HIKESHI: variants seen among roughly 807,000 people sequenced by gnomAD.
HIKESHI encodes the protein heat shock protein nuclear import factor hikeshi.
Under a neutral mutation model 25.7 loss-of-function variants are expected in HIKESHI, and 13 were observed. The ratio of observed to expected loss-of-function variants is 0.51; its 90% CI spans 0.33 to 0.80. The LOEUF is 0.80. Among genes scored for constraint, HIKESHI ranks in the 30% least tolerant of loss-of-function variants. HIKESHI has a pLI of 0.02. For synonymous variants in HIKESHI, 76 were observed against 78.7 expected (o/e 0.97, Z 0.18); for missense variants, 174 against 229.5 (o/e 0.76, Z 1.56).
chr11:86,345,662 G>A lies in HIKESHI; in HGVS notation c.*24G>A, dbSNP rs780849819. On this transcript the variant is annotated 3_prime_UTR_variant, in exon 5 of 5. Transcript: ENST00000278483. The stretch of plus-strand genomic sequence containing the variant: ...AATTTGAATAAAATAATTTTTAATG[G>A]ATTCTGAAATTTGTCATGTTTTGAA... The A allele has an allele frequency of 4.3e-6, 6 of 1,411,436 alleles. No individual in the cohort carries two copies. The highest frequency in any genetic ancestry group is 1.4e-5 in the African/African-American group (1 of 69,600). The allele number at this position is 1,411,436 out of a possible 1,614,324, so 87.4% of individuals were successfully genotyped here.
rs147690446 is a variant in HIKESHI at position 86,315,843 on chromosome 11, AAC to A, written c.268+9367_268+9368del. ...CTTGATTGTGTAAAACAGCATAACA[AAC>A]ACACAAGAATTAATTACTGTTCTAG... On this transcript the variant is annotated intron_variant, in intron 2 of 4. Coordinates refer to ENST00000278483, the MANE Select transcript of HIKESHI (RefSeq NM_016401.4). Among the ~76,000 whole-genome samples the A allele has an allele frequency of 1.7e-3, 266 of 152,280 alleles. 1 individual carries two copies. Among genetic ancestry groups the A allele is most frequent in the African/African-American group, 6.1e-3 (254 of 41,556 alleles).
At chr11:86,329,075 C>G (rs1463908832) in intron 2 of HIKESHI, among the ~76,000 whole-genome samples, 1 of 151,714 alleles carries the variant, frequency 6.6e-6, no homozygotes, top group Non-Finnish European at 1.5e-5. Flanking sequence ...TCCTCCACTC[C>G]TTTCCTATTA....
intron 2 of HIKESHI, among the ~76,000 whole-genome samples, chr11:86,314,885 C>A (rs1946932629): frequency 6.6e-6 from 1 of 152,176 alleles, no homozygotes; most frequent in African/African-American, 2.4e-5. Flanking sequence ...GACAGCAGAC[C>A]TGGTGACTGA....
chr11:86,344,214 G>A (rs1050098317), intron 3 of HIKESHI: 38 of 155,644 alleles, frequency 2.4e-4, no homozygotes, highest in Non-Finnish European at 4.1e-4. Context: ...ATGCAGACAT[G>A]GAGATGAAAG....
chr11:86,345,830 CT>C lies in HIKESHI; in HGVS notation c.*198del, dbSNP rs1947856757. 2 of 362,066 alleles carry C rather than the reference CT, an allele frequency of 5.5e-6. No individual in the cohort carries two copies. Among genetic ancestry groups the C allele is most frequent in the Admixed American group, 4.5e-5 (1 of 22,436 alleles). The allele number at this position is 362,066 out of a possible 1,614,324, so 22.4% of individuals were successfully genotyped here. On this transcript the variant is annotated 3_prime_UTR_variant, in exon 5 of 5. Coordinates refer to ENST00000278483, the MANE Select transcript of HIKESHI (RefSeq NM_016401.4). Reference sequence around the variant, plus strand: ...ATGAAAATATGTTCATCATTAAAGACTTTTTTCCCCTTAAGCTTAAAATACC... The same window carrying C: ...ATGAAAATATGTTCATCATTAAAGACTTTTTCCCCTTAAGCTTAAAATACC...
chr11:86,341,852 G>A lies in HIKESHI; in HGVS notation c.421-2751G>A, dbSNP rs144117577. Among the ~76,000 whole-genome samples, 145 of 152,098 alleles carry A rather than the reference G, an allele frequency of 9.5e-4. 1 individual carries two copies. Among genetic ancestry groups the A allele is most frequent in the Non-Finnish European group, 1.2e-3 (82 of 67,966 alleles). Reference sequence around the variant, plus strand: ...TTCTTGTTGATTTGTTCTTTTGTGTGTTTTAAAAATGAATATAAATAGTAT... The same window carrying A: ...TTCTTGTTGATTTGTTCTTTTGTGTATTTTAAAAATGAATATAAATAGTAT... On this transcript the variant is annotated intron_variant, in intron 3 of 4. Coordinates refer to ENST00000278483, the MANE Select transcript of HIKESHI (RefSeq NM_016401.4).
intron 2 of HIKESHI, among the ~76,000 whole-genome samples, chr11:86,318,378 A>C (rs1347847982): frequency 1.3e-5 from 2 of 151,408 alleles, no homozygotes; most frequent in Non-Finnish European, 2.9e-5. Flanking sequence ...AGTAATTAAA[A>C]ATATACCTCT....
At chr11:86,308,026 T>TATA (rs1946707615) in intron 2 of HIKESHI, among the ~76,000 whole-genome samples, 1 of 124,892 alleles carries the variant, frequency 8.0e-6, no homozygotes, top group African/African-American at 3.2e-5. Context: ...ATACATATTA[T>TATA]AAATATATAA....
At chr11:86,323,541 C>T (rs1212980555) in intron 2 of HIKESHI, among the ~76,000 whole-genome samples, 1 of 152,172 alleles carries the variant, frequency 6.6e-6, no homozygotes, top group Non-Finnish European at 1.5e-5. Flanking sequence ...ATCAAATTGT[C>T]AATTTAATTT....
chr11:86,316,389 G>A (rs768974246), intron 2 of HIKESHI, among the ~76,000 whole-genome samples: 5 of 152,148 alleles, frequency 3.3e-5, no homozygotes, highest in East Asian at 1.9e-4. Context: ...GCAGGTGCTC[G>A]TAATCCCAGC....
chr11:86,323,374 G>A (rs899766652), intron 2 of HIKESHI, among the ~76,000 whole-genome samples: 2 of 152,114 alleles, frequency 1.3e-5, no homozygotes, highest in Non-Finnish European at 2.9e-5. Context: ...TGGAAAACAT[G>A]AAAGATTAAA....
At chr11:86,319,925 A>T (rs1334860612) in intron 2 of HIKESHI, among the ~76,000 whole-genome samples, 1 of 152,136 alleles carries the variant, frequency 6.6e-6, no homozygotes, top group East Asian at 1.9e-4. Context: ...GTTCAAAGTG[A>T]TAATATTCTA....
chr11:86,302,260 CT>C lies in HIKESHI; in HGVS notation c.-187del. The C allele has an allele frequency of 1.5e-6, 1 of 652,960 alleles. No homozygotes were observed. Among genetic ancestry groups the C allele is most frequent in the South Asian group, 1.7e-5 (1 of 58,916 alleles). The allele number at this position is 652,960 out of a possible 1,614,324, so 40.4% of individuals were successfully genotyped here. On this transcript the variant is annotated 5_prime_UTR_variant, in exon 1 of 5. Transcript: ENST00000278483. ...TACTTGTTGCCTGAGCAGTGGGCTG[CT>C]TAGGAAGAGAAGGTCAGAGTTCGCG...
chr11:86,311,843 G>C (rs1946843809), intron 2 of HIKESHI, among the ~76,000 whole-genome samples: 1 of 152,156 alleles, frequency 6.6e-6, no homozygotes, highest in Non-Finnish European at 1.5e-5. Flanking sequence ...GGAGCAGATT[G>C]TTCAATTTCC....
intron 2 of HIKESHI, among the ~76,000 whole-genome samples, chr11:86,317,287 C>A (rs1947012659): frequency 6.6e-6 from 1 of 152,110 alleles, no homozygotes; most frequent in African/African-American, 2.4e-5. Flanking sequence ...TGCAACACTA[C>A]CCTCCAGCCT....
intron 3 of HIKESHI, among the ~76,000 whole-genome samples, chr11:86,342,317 G>T (rs534061094): frequency 6.6e-6 from 1 of 152,144 alleles, no homozygotes; most frequent in African/African-American, 2.4e-5. Context: ...TTCTAGCATG[G>T]TGCTTGTCTT....
chr11:86,332,381 T>C (rs965586734), intron 2 of HIKESHI, among the ~76,000 whole-genome samples: 1 of 152,144 alleles, frequency 6.6e-6, no homozygotes, highest in Non-Finnish European at 1.5e-5. Flanking sequence ...ATTAGAAGGA[T>C]TGGTACTTCA....
At chr11:86,315,784 A>G (rs906122812) in intron 2 of HIKESHI, among the ~76,000 whole-genome samples, 2 of 152,214 alleles carry the variant, frequency 1.3e-5, no homozygotes, top group African/African-American at 4.8e-5. Context: ...AAGTTAGCAC[A>G]GAAATTGGTA....
intron 2 of HIKESHI, among the ~76,000 whole-genome samples, chr11:86,325,838 C>T (rs907781158): frequency 2.0e-5 from 3 of 150,820 alleles, no homozygotes; most frequent in Admixed American, 6.6e-5. Flanking sequence ...CACCACTGCA[C>T]TCCAGCCTGG....
Sources: allele counts gnomAD v4.1 joint callset (sites outside exome capture counted in the v4.1 genomes callset), GRCh38; gene constraint gnomAD v4.1.1; transcripts MANE v1.5; gene names NCBI Gene and HGNC (gene_info 2026-07-23, HGNC 2026-07-21).